PTH2R: variants seen among roughly 807,000 people sequenced by gnomAD.
PTH2R encodes the protein PTH2 receptor.
A neutral mutation model predicts 60.3 loss-of-function variants in PTH2R; 59 were observed. The observed-to-expected ratio is 0.98, with a 90% CI of 0.79 to 1.22. The LOEUF is 1.22. PTH2R is among the 50% of genes most tolerant of loss of function. PTH2R has a pLI of 0.00. For missense variants in PTH2R, 749 were observed against 682.6 expected, an observed-to-expected ratio of 1.10 and a Z score of -1.08; for synonymous variants, 256 against 243.8, an observed-to-expected ratio of 1.05 and a Z score of -0.47.
In PTH2R at chr2:208,450,635, G is replaced by A. The variant is rs573039040; in HGVS notation, c.854-114G>A. The A allele has an allele frequency of 3.9e-6, 4 of 1,015,808 alleles. No homozygotes were observed. The African/African-American group carries it at 6.5e-5, about 16-fold the overall frequency. 62.9% of individuals were successfully genotyped at this position (1,015,808 alleles called of 1,614,324 possible). On this transcript the variant is annotated intron_variant, in intron 7 of 12. Transcript: ENST00000272847. ...TTGTTCACATATCAGAAATTTTCATGTCTATTTTTATCTCTGAACAGCTAA... is the reference window on the plus strand; with the variant it reads ...TTGTTCACATATCAGAAATTTTCATATCTATTTTTATCTCTGAACAGCTAA...
intron 10 of PTH2R, among the ~76,000 whole-genome samples, chr2:208,482,956 C>A (rs374489580): frequency 6.6e-6 from 1 of 152,232 alleles, no homozygotes; most frequent in Non-Finnish European, 1.5e-5. Context: ...AAGCACATCA[C>A]GTGCTGTTGG....
At position 208,450,774 on chromosome 2, in the gene PTH2R, A is replaced by T; in HGVS notation, c.879A>T (p.Ala293=). 1 of 1,614,030 alleles carries T rather than the reference A, an allele frequency of 6.2e-7. No homozygotes were observed. The highest frequency in any genetic ancestry group is 8.5e-7 in the Non-Finnish European group (1 of 1,179,916). The change falls in exon 8 of 13, where the codon GCA becomes GCT. Residue 293 remains alanine, a synonymous_variant. Transcript: ENST00000272847. Reference sequence around the variant, plus strand: ...GGTTTCCAGCAGCATTTGTTGCAGCATGGGCTGTGGCACGAGCAACTCTGG... The same window carrying T: ...GGTTTCCAGCAGCATTTGTTGCAGCTTGGGCTGTGGCACGAGCAACTCTGG... ...GWGFPAAFVA[A]WAVARATLAD... is the part of the protein sequence containing the mutation.
intron 8 of PTH2R, among the ~76,000 whole-genome samples, chr2:208,457,893 A>G (rs1702546654): frequency 6.6e-6 from 1 of 152,222 alleles, no homozygotes; most frequent in Non-Finnish European, 1.5e-5. Context: ...TAGCTTGCTC[A>G]TTAATAAAAA....
chr2:208,383,493 G>A (rs1182447395), intron 1 of PTH2R, among the ~76,000 whole-genome samples: 1 of 152,152 alleles, frequency 6.6e-6, no homozygotes, highest in Admixed American at 6.5e-5. Flanking sequence ...AGGCAGACAT[G>A]CTTAAATGTT....
At chr2:208,473,239 A>G (rs1244962343) in intron 9 of PTH2R, among the ~76,000 whole-genome samples, 1 of 152,162 alleles carries the variant, frequency 6.6e-6, no homozygotes, top group East Asian at 1.9e-4. Context: ...AATCTAGATA[A>G]CATTTCATAA....
At position 208,426,704 on chromosome 2, in the gene PTH2R, G is replaced by T. The variant is rs576379064; in HGVS notation, c.76-1497G>T. ...CATTTCATCTGCTTGCACTCGCTTC[G>T]TCCTGCTGCCCAGTGAAGAAGGTGC... On this transcript the variant is annotated intron_variant, in intron 1 of 12. Coordinates refer to ENST00000272847, the MANE Select transcript of PTH2R (RefSeq NM_005048.4). 2.0e-5 allele frequency among the ~76,000 whole-genome samples: 3 copies of T among 152,238 alleles called. No individual in the cohort carries two copies. The South Asian group carries it at 6.2e-4, about 32-fold the overall frequency.
chr2:208,448,653 C>T (rs1702339001), intron 7 of PTH2R, among the ~76,000 whole-genome samples: 2 of 147,996 alleles, frequency 1.4e-5, no homozygotes, highest in African/African-American at 2.5e-5. Context: ...AAGAAAATAA[C>T]TCAACTTTCA....
chr2:208,488,066 T>G (rs1703314303), intron 10 of PTH2R, among the ~76,000 whole-genome samples: 1 of 152,176 alleles, frequency 6.6e-6, no homozygotes, highest in Non-Finnish European at 1.5e-5. Flanking sequence ...GGAAGCCCAC[T>G]TAGAATAACC....
intron 4 of PTH2R, among the ~76,000 whole-genome samples, chr2:208,439,255 A>G (rs1488149289): frequency 1.3e-5 from 2 of 152,114 alleles, no homozygotes; most frequent in Admixed American, 1.3e-4. Flanking sequence ...GATGTACTCA[A>G]TATATATACT....
chr2:208,425,549 G>T (rs1168326624), intron 1 of PTH2R, among the ~76,000 whole-genome samples: 1 of 152,254 alleles, frequency 6.6e-6, no homozygotes, highest in Non-Finnish European at 1.5e-5. Context: ...ACTCTGGGCA[G>T]ACTGCCTGGC....
intron 1 of PTH2R, among the ~76,000 whole-genome samples, chr2:208,365,945 TATATATATATATATA>T (rs1329748289): frequency 9.2e-4 from 18 of 19,644 alleles, no homozygotes; most frequent in African/African-American, 1.9e-3. Flanking sequence ...TATATATATA[TATATATATATATATA>T]TTTTTTTTTT....
In PTH2R at chr2:208,443,393, G is replaced by A; in HGVS notation, c.555G>A (p.Val185=). The stretch of plus-strand genomic sequence containing the variant: ...ACTATATCCACATGCACTTATTTGT[G>A]TCTTTCATGCTGAGAGCTACAAGCA... The part of the protein sequence containing the change: ...TRNYIHMHLF[V]SFMLRATSIF... The change falls in exon 6 of 13, where the codon GTG becomes GTA. Residue 185 remains valine, a synonymous_variant. Coordinates refer to ENST00000272847, the MANE Select transcript of PTH2R (RefSeq NM_005048.4). The A allele has an allele frequency of 6.2e-7, 1 of 1,610,112 alleles. No homozygotes were observed. The highest frequency in any genetic ancestry group is 8.5e-7 in the Non-Finnish European group (1 of 1,178,502).
At chr2:208,412,600 G>C (rs2105837480) in intron 1 of PTH2R, among the ~76,000 whole-genome samples, 1 of 152,332 alleles carries the variant, frequency 6.6e-6, no homozygotes, top group South Asian at 2.1e-4. Flanking sequence ...AGGTAGTGCT[G>C]TGTGAGGACA....
chr2:208,415,356 G>A (rs766935214), intron 1 of PTH2R, among the ~76,000 whole-genome samples: 3 of 152,108 alleles, frequency 2.0e-5, no homozygotes, highest in Non-Finnish European at 4.4e-5. Context: ...TAAAATTTCA[G>A]TGTTCATAAA....
At chr2:208,493,159 A>G (rs1703444222) in intron 12 of PTH2R, 105 bp from the exon 13 acceptor site, 3 of 1,217,622 alleles carry the variant, frequency 2.5e-6, no homozygotes, top group African/African-American at 3.1e-5. Flanking sequence ...AGGAACCTCA[A>G]TCAATGATTA....
intron 7 of PTH2R, among the ~76,000 whole-genome samples, chr2:208,449,926 A>C (rs1333784392): frequency 6.6e-6 from 1 of 152,130 alleles, no homozygotes; most frequent in East Asian, 1.9e-4. Context: ...CTTTATTTAA[A>C]CCACTTTCAT....
intron 10 of PTH2R, among the ~76,000 whole-genome samples, chr2:208,484,831 A>G (rs1163487252): frequency 1.3e-5 from 2 of 152,160 alleles, no homozygotes; most frequent in Non-Finnish European, 2.9e-5. Flanking sequence ...GTGAGCCTCT[A>G]TCCTCTCTTG....
intron 1 of PTH2R, among the ~76,000 whole-genome samples, chr2:208,398,502 C>G (rs1333067607): frequency 6.6e-6 from 1 of 152,192 alleles, no homozygotes; most frequent in South Asian, 2.1e-4. Context: ...CATGTGTCCT[C>G]AGACCAAGAA....
Position 208,442,296 on chromosome 2 carries a change from T to C in PTH2R, c.412-68T>C, listed in dbSNP as rs771824977. 1.9e-5 allele frequency: 21 copies of C among 1,125,228 alleles called. No homozygotes were observed. In the Admixed American group the frequency reaches 2.6e-4, roughly 14 times the overall value. 69.7% of individuals were successfully genotyped at this position (1,125,228 alleles called of 1,614,324 possible). On this transcript the variant is annotated intron_variant, in intron 4 of 12. Transcript: ENST00000272847. ...TAGAAATAAGATTCCAAAAATGACA[T>C]ACTATTTCTTTGCCAGTTTATTGGT...
Sources: gnomAD v4.1 joint callset for allele counts (sites outside exome capture counted in the v4.1 genomes callset) on GRCh38, gnomAD v4.1.1 for gene constraint, MANE v1.5 for transcripts, NCBI Gene and HGNC (gene_info 2026-07-23, HGNC 2026-07-21) for gene names.